Variants in PDE1A observed in about 807,000 individuals in gnomAD.
The protein encoded by PDE1A is phosphodiesterase 1A.
In PDE1A, 35 loss-of-function variants were observed where a neutral mutation model predicts 61.7. That is an observed-to-expected ratio of 0.57 (90% CI 0.43 to 0.75). The LOEUF (loss-of-function observed/expected upper bound fraction) is 0.75. Among genes scored for constraint, PDE1A ranks in the 30% least tolerant of loss-of-function variants. The pLI is 0.00. For synonymous variants in PDE1A, 232 were observed against 213.2 expected, an observed-to-expected ratio of 1.09 and a Z score of -0.77; for missense variants, 597 against 630.6, an observed-to-expected ratio of 0.95 and a Z score of 0.57.
At chr2:182,349,623 T>C (rs1343112377) in intron 1 of PDE1A, among the ~76,000 whole-genome samples, 1 of 152,038 alleles carries the variant, frequency 6.6e-6, no homozygotes, top group East Asian at 1.9e-4. Flanking sequence ...CTAGACATGG[T>C]ACTTGATCTG....
At chr2:182,563,285 C>T in the PDE1A span, among the ~76,000 whole-genome samples, 1 of 152,080 alleles carries the variant, frequency 6.6e-6, no homozygotes, top group Non-Finnish European at 1.5e-5. Flanking sequence ...CAAGGAACAT[C>T]TTTATTTCTG....
the PDE1A span, among the ~76,000 whole-genome samples, chr2:182,610,673 AAG>A: frequency 2.6e-5 from 4 of 152,314 alleles, no homozygotes; most frequent in African/African-American, 4.8e-5. Context: ...AAAAACAAAA[AAG>A]AGAATAAAAA....
the PDE1A span, among the ~76,000 whole-genome samples, chr2:182,561,414 T>C: frequency 2.0e-5 from 3 of 152,134 alleles, no homozygotes; most frequent in African/African-American, 4.8e-5. Context: ...CATTGATCTA[T>C]ATCTCTGTTT....
chr2:182,255,513 A>T (rs926094940), intron 2 of PDE1A, among the ~76,000 whole-genome samples: 2 of 152,080 alleles, frequency 1.3e-5, no homozygotes, highest in African/African-American at 4.8e-5. Context: ...GCATTTACCC[A>T]TGCTAAGCAG....
chr2:182,531,280 T>C, the PDE1A span, among the ~76,000 whole-genome samples: 3 of 151,248 alleles, frequency 2.0e-5, no homozygotes, highest in African/African-American at 4.9e-5. Flanking sequence ...AATCCTAACA[T>C]GTCAATAATT....
chr2:182,600,555 A>G, the PDE1A span, among the ~76,000 whole-genome samples: 1 of 152,218 alleles, frequency 6.6e-6, no homozygotes, highest in Non-Finnish European at 1.5e-5. Context: ...ATGGATTTAG[A>G]TGACAAAGAA....
the PDE1A span, among the ~76,000 whole-genome samples, chr2:182,559,309 G>T: frequency 6.6e-6 from 1 of 152,080 alleles, no homozygotes; most frequent in East Asian, 1.9e-4. Flanking sequence ...GCAGTGGCTA[G>T]ATTATACAGA....
chr2:182,477,195 C>A (rs537774448), intron 2 of PDE1A, among the ~76,000 whole-genome samples: 1 of 151,768 alleles, frequency 6.6e-6, no homozygotes, highest in Admixed American at 6.6e-5. Flanking sequence ...AAGTGTACTG[C>A]GGGGTAATGC....
chr2:182,618,804 T>C, the PDE1A span, among the ~76,000 whole-genome samples: 1 of 152,144 alleles, frequency 6.6e-6, no homozygotes, highest in Non-Finnish European at 1.5e-5. Context: ...ACTTTTATCT[T>C]TATGTTCCTG....
the PDE1A span, among the ~76,000 whole-genome samples, chr2:182,623,754 T>G: frequency 6.6e-6 from 1 of 152,178 alleles, no homozygotes; most frequent in African/African-American, 2.4e-5. Flanking sequence ...TTATTTGGAT[T>G]ACGTTATTAT....
the PDE1A span, among the ~76,000 whole-genome samples, chr2:182,588,587 CAT>C: frequency 6.6e-6 from 1 of 152,230 alleles, no homozygotes; most frequent in East Asian, 1.9e-4. Context: ...TCTGTCACCT[CAT>C]ATTTAAAAAG....
At chr2:182,187,984 CTA>C (rs1685370105) in intron 11 of PDE1A, among the ~76,000 whole-genome samples, 1 of 150,750 alleles carries the variant, frequency 6.6e-6, no homozygotes, top group Admixed American at 6.6e-5. Flanking sequence ...GACCCGAGAT[CTA>C]CCTGCCTCGG....
intron 2 of PDE1A, among the ~76,000 whole-genome samples, chr2:182,254,715 T>A (rs1691650762): frequency 6.6e-6 from 1 of 152,160 alleles, no homozygotes; most frequent in South Asian, 2.1e-4. Context: ...GTTGCTGAAC[T>A]GCCAATCAAG....
chr2:182,396,490 C>T (rs140815783), intron 1 of PDE1A, among the ~76,000 whole-genome samples: 113 of 152,296 alleles, frequency 7.4e-4, no homozygotes, highest in African/African-American at 2.5e-3. Context: ...ATACCAGCTA[C>T]GACTACATGA....
chr2:182,357,765 T>G (rs576702478), intron 1 of PDE1A, among the ~76,000 whole-genome samples: 211 of 152,376 alleles, frequency 1.4e-3, no homozygotes, highest in African/African-American at 4.9e-3. Flanking sequence ...TTCTGTTGTA[T>G]TCTGAATAAT....
At chr2:182,689,044 T>C in the PDE1A span, among the ~76,000 whole-genome samples, 1 of 152,094 alleles carries the variant, frequency 6.6e-6, no homozygotes, top group Non-Finnish European at 1.5e-5. Context: ...CTTAGAGAAC[T>C]ACAAAGAGAC....
the PDE1A span, among the ~76,000 whole-genome samples, chr2:182,608,543 G>A: frequency 6.6e-6 from 1 of 152,186 alleles, no homozygotes; most frequent in Non-Finnish European, 1.5e-5. Context: ...TCGGCGGCCC[G>A]GCACTCGGAG....
intron 2 of PDE1A, chr2:182,242,070 A>T: frequency 7.6e-7 from 1 of 1,318,010 alleles, no homozygotes; most frequent in African/African-American, 1.5e-5. Context: ...TTGTGGTGTA[A>T]TCTTGTGATG....
chr2:182,292,223 C>T (rs936764195), intron 1 of PDE1A, among the ~76,000 whole-genome samples: 1 of 152,006 alleles, frequency 6.6e-6, no homozygotes, highest in African/African-American at 2.4e-5. Flanking sequence ...CTAATCCTAT[C>T]ATCTGATTAG....
Sources: allele counts gnomAD v4.1 joint callset (sites outside exome capture counted in the v4.1 genomes callset), GRCh38; gene constraint gnomAD v4.1.1; transcripts MANE v1.5; gene names NCBI Gene and HGNC (gene_info 2026-07-23, HGNC 2026-07-21).